The following CLEC2L variants were observed in gnomAD, a reference collection of about 807,000 sequenced individuals.
CLEC2L encodes the protein C-type lectin domain family 2 member L.
In CLEC2L, 14 loss-of-function variants were observed where a neutral mutation model predicts 23.6. The ratio of observed to expected loss-of-function variants is 0.59; its 90% CI spans 0.39 to 0.93. The LOEUF is 0.93. Ranked by LOEUF, CLEC2L falls within the 40% of genes least tolerant of loss-of-function variation. The probability of loss-of-function intolerance (pLI) is 0.00; values close to 1 mark genes in which losing one functional copy is unlikely to be tolerated. For synonymous variants in CLEC2L, 114 were observed against 121.3 expected, an observed-to-expected ratio of 0.94 and a Z score of 0.40; for missense variants, 264 against 282.4, an observed-to-expected ratio of 0.93 and a Z score of 0.47.
At chr7:139,542,430 A>G (rs113339151) in intron 4 of CLEC2L, among the ~76,000 whole-genome samples, 4,977 of 152,242 alleles carry the variant, frequency 0.033, 276 homozygotes, top group African/African-American at 0.11. Context: ...GGCTCCACTC[A>G]GTGTGGCGCA....
In CLEC2L at chr7:139,540,408, C is replaced by G; in HGVS notation, c.353C>G (p.Pro118Arg). The G allele has an allele frequency of 6.2e-7, 1 of 1,609,042 alleles. No individual in the cohort carries two copies. The highest frequency in any genetic ancestry group is 8.5e-7 in the Non-Finnish European group (1 of 1,178,036). ...AAGTGCTACTTCTTTTCCGAGGAAC[C>G]CAGAGACTGGAACACAGGCAGGCAG... ...GRKCYFFSEE[P>R]RDWNTGRQYC... The change falls in exon 3 of 5, where the codon CCC (proline) becomes CGC (arginine). Residue 118 changes from proline (P) to arginine (R), a missense_variant. Pro to Arg is a moderately radical substitution (Grantham distance 103). Transcript: ENST00000422142. This position sits in a 1 kb window ranked among gnomAD's most constrained non-coding sequence, Gnocchi z 5.8.
rs1474520474 is a variant in CLEC2L, at chr7:139,539,740, G to T, written c.266-581G>T. ...GGCTGGTGTGCTTCTTTGAGTAGGG[G>T]GTAGAAGACAGAGCGGGTGTCTCTG... is the stretch of plus-strand genomic sequence containing the variant. On this transcript the variant is annotated intron_variant, in intron 2 of 4. Coordinates refer to ENST00000422142, the MANE Select transcript of CLEC2L (RefSeq NM_001080511.4). This position sits in a 1 kb window ranked among gnomAD's most constrained non-coding sequence, Gnocchi z 4.1. 1 of 152,668 alleles carries T rather than the reference G, an allele frequency of 6.6e-6. No homozygotes were observed. The highest frequency in any genetic ancestry group is 1.5e-5 in the Non-Finnish European group (1 of 68,464). The allele number at this position is 152,668 out of a possible 1,614,324, so 9.5% of individuals were successfully genotyped here. A position where few individuals can be genotyped will look rare whatever the true frequency, so the allele number is the denominator to read the frequency against.
chr7:139,533,059 C>T (rs73735012), intron 1 of CLEC2L, among the ~76,000 whole-genome samples: 3,309 of 152,196 alleles, frequency 0.022, 124 homozygotes, highest in African/African-American at 0.075. Context: ...TCATAGCACA[C>T]GGCATGGCTT....
At chr7:139,544,117 C>T in intron 4 of CLEC2L, 114 bp from the exon 5 acceptor site, 1 of 698,846 alleles carries the variant, frequency 1.4e-6, no homozygotes, top group Non-Finnish European at 2.5e-6. Flanking sequence ...AAGGCAGCTC[C>T]AGTGATGAAG....
chr7:139,541,918 C>T (rs1044749656), intron 3 of CLEC2L, 103 bp from the exon 4 acceptor site: 26 of 770,714 alleles, frequency 3.4e-5, no homozygotes, highest in Admixed American at 4.7e-5. Flanking sequence ...GGCGTCTGTA[C>T]ATCCCGAGAG....
chr7:139,534,626 AG>A, intron 1 of CLEC2L: 1 of 655,390 alleles, frequency 1.5e-6, no homozygotes, highest in East Asian at 2.5e-5. Flanking sequence ...CTGTAGCGGA[AG>A]TTTTGTATCA....
At chr7:139,541,553 G>A (rs868787645) in intron 3 of CLEC2L, among the ~76,000 whole-genome samples, 1 of 152,180 alleles carries the variant, frequency 6.6e-6, no homozygotes, top group South Asian at 2.1e-4. Context: ...AATCACTTCT[G>A]TTTGCCTTTG....
At chr7:139,533,816 C>A (rs1797614565) in intron 1 of CLEC2L, among the ~76,000 whole-genome samples, 1 of 152,176 alleles carries the variant, frequency 6.6e-6, no homozygotes, top group Admixed American at 6.5e-5. Context: ...CGGGTAATTG[C>A]TACAGATTCT....
intron 2 of CLEC2L, 109 bp downstream of exon 2, chr7:139,536,457 G>T: frequency 4.4e-6 from 4 of 909,348 alleles, no homozygotes; most frequent in Middle Eastern, 2.2e-4. Flanking sequence ...TCCTGTGGGG[G>T]ACTAAATAAG....
Position 139,544,689 on chromosome 7 carries a change from G to C in CLEC2L, c.*347G>C. 4.8e-6 allele frequency: 1 copy of C among 206,240 alleles called. No homozygotes were observed. The allele number at this position is 206,240 out of a possible 1,614,324, so 12.8% of individuals were successfully genotyped here. On this transcript the variant is annotated 3_prime_UTR_variant, in exon 5 of 5. Coordinates refer to ENST00000422142, the MANE Select transcript of CLEC2L (RefSeq NM_001080511.4). The stretch of plus-strand genomic sequence containing the variant: ...GAGCCACCCCACAGATCTCTCTCCG[G>C]CCCCCTAGAAGCCCTCTCCTCACTG...
At chr7:139,542,437 C>T (rs538464975) in intron 4 of CLEC2L, among the ~76,000 whole-genome samples, 1 of 152,302 alleles carries the variant, frequency 6.6e-6, no homozygotes, top group East Asian at 1.9e-4. Flanking sequence ...CTCAGTGTGG[C>T]GCAACCACAT....
intron 1 of CLEC2L, among the ~76,000 whole-genome samples, chr7:139,526,520 C>T (rs746108589): frequency 6.6e-6 from 1 of 152,178 alleles, no homozygotes; most frequent in Non-Finnish European, 1.5e-5. Context: ...CTTTCTGCAA[C>T]ATCCGGGTAC....
chr7:139,527,586 G>A (rs1456457296), intron 1 of CLEC2L, among the ~76,000 whole-genome samples: 1 of 152,204 alleles, frequency 6.6e-6, no homozygotes, highest in Non-Finnish European at 1.5e-5. Flanking sequence ...TATAAGGCTA[G>A]AAAAGGTGAC....
In CLEC2L at chr7:139,523,784, G is replaced by A; in HGVS notation, c.-144G>A. The stretch of plus-strand genomic sequence containing the variant: ...GCTCCAGCGCGGGGAGCCGGGCTCA[G>A]CCCCGGCCTGCCAGCGCCGCGGTCC... On this transcript the variant is annotated 5_prime_UTR_variant, in exon 1 of 5. Coordinates refer to ENST00000422142, the MANE Select transcript of CLEC2L (RefSeq NM_001080511.4). This position sits in a 1 kb window ranked among gnomAD's most constrained non-coding sequence, Gnocchi z 4.1. 1 of 410,808 alleles carries A rather than the reference G, an allele frequency of 2.4e-6. No individual in the cohort carries two copies. Among genetic ancestry groups the A allele is most frequent in the South Asian group, 9.9e-5 (1 of 10,112 alleles). 25.4% of individuals were successfully genotyped at this position (410,808 alleles called of 1,614,324 possible). A position where few individuals can be genotyped will look rare whatever the true frequency, so the allele number is the denominator to read the frequency against.
At position 139,540,232 on chromosome 7, in the gene CLEC2L, A is replaced by AT. The variant is rs1797713651; in HGVS notation, c.266-89_266-88insT. The AT allele has an allele frequency of 7.2e-7, 1 of 1,386,328 alleles. No homozygotes were observed. The highest frequency in any genetic ancestry group is 2.5e-5 in the East Asian group (1 of 40,122). The allele number at this position is 1,386,328 out of a possible 1,614,324, so 85.9% of individuals were successfully genotyped here. ...ATCTGCAGTGTCCCTGCAGGACGCCAAAGCTGAGGCAGGGGAGGGAGCCAC... is the reference window on the plus strand; with the variant it reads ...ATCTGCAGTGTCCCTGCAGGACGCCATAAGCTGAGGCAGGGGAGGGAGCCAC... On this transcript the variant is annotated intron_variant, in intron 2 of 4. Transcript: ENST00000422142. This position sits in a 1 kb window ranked among gnomAD's most constrained non-coding sequence, Gnocchi z 5.8.
chr7:139,533,977 C>T (rs889168326), intron 1 of CLEC2L, among the ~76,000 whole-genome samples: 1 of 152,060 alleles, frequency 6.6e-6, no homozygotes, highest in Non-Finnish European at 1.5e-5. Context: ...TGTAACTGTA[C>T]TTAACTGTGC....
At chr7:139,524,480 T>A (rs1032627780) in intron 1 of CLEC2L, among the ~76,000 whole-genome samples, 2 of 151,898 alleles carry the variant, frequency 1.3e-5, no homozygotes, top group Non-Finnish European at 2.9e-5. Flanking sequence ...TCTGTGGTCG[T>A]GAACACGCTT....
intron 1 of CLEC2L, among the ~76,000 whole-genome samples, chr7:139,526,703 A>G (rs1310350575): frequency 6.6e-6 from 1 of 152,180 alleles, no homozygotes; most frequent in Non-Finnish European, 1.5e-5. Context: ...TTATCTGCCA[A>G]GTCAGGTCAT....
intron 1 of CLEC2L, among the ~76,000 whole-genome samples, chr7:139,529,248 A>G (rs1797545883): frequency 6.6e-6 from 1 of 152,224 alleles, no homozygotes; most frequent in African/African-American, 2.4e-5. Flanking sequence ...AGCACTGTAC[A>G]CTGAATTCCT....
Sources: allele counts gnomAD v4.1 joint callset (sites outside exome capture counted in the v4.1 genomes callset), GRCh38; gene constraint gnomAD v4.1.1; non-coding constraint Gnocchi (gnomAD v3.1); transcripts MANE v1.5; gene names NCBI Gene and HGNC (gene_info 2026-07-23, HGNC 2026-07-21).